The following PFAS variants were observed in gnomAD, a reference collection of about 807,000 sequenced individuals.
PFAS encodes phosphoribosylformylglycinamidine synthase.
A neutral mutation model predicts 140.6 loss-of-function variants in PFAS; 97 were observed. The ratio of observed to expected loss-of-function variants is 0.69; its 90% confidence interval spans 0.59 to 0.82. The LOEUF is 0.82. Among genes scored for constraint, PFAS ranks in the 40% least tolerant of loss-of-function variants. The pLI, the probability that PFAS is intolerant of heterozygous loss-of-function variation, is 0.00. For synonymous variants in PFAS, 679 were observed against 718.8 expected, an observed-to-expected ratio of 0.94 and a Z score of 0.88; for missense variants, 1,656 against 1,780.2, an observed-to-expected ratio of 0.93 and a Z score of 1.26.
At position 8,265,371 on chromosome 17, in the gene PFAS, G is replaced by A. The variant is rs746670349; in HGVS notation, c.2364G>A (p.Met788Ile). The stretch of plus-strand genomic sequence containing the variant: ...CTTTGGCGGATGCCTGTGAGGCTAT[G>A]GTGGCAGTGATGGCAGCCCTGGGTG... ...GAALADACEA[M>I]VAVMAALGVA... Residue 788 changes from methionine (M) to isoleucine (I), a missense_variant, in exon 19 of 28, where the codon ATG becomes ATA. Physicochemically the swap from Met to Ile is conservative, Grantham distance 10. This residue lies in a region of PFAS where 883 missense variants were observed against 1,023.0 expected (regional missense o/e 0.86). Transcript: ENST00000314666. 1 of 1,614,204 alleles carries A rather than the reference G, an allele frequency of 6.2e-7. No homozygotes were observed. Among genetic ancestry groups the A allele is most frequent in the Admixed American group, 1.7e-5 (1 of 60,024 alleles).
At chr17:8,251,412 G>C (rs949708687) in intron 1 of PFAS, among the ~76,000 whole-genome samples, 7 of 152,020 alleles carry the variant, frequency 4.6e-5, no homozygotes, top group Non-Finnish European at 1.0e-4. Flanking sequence ...CTCTTGAGTA[G>C]CTGGGACCAC....
intron 11 of PFAS, among the ~76,000 whole-genome samples, chr17:8,260,895 A>T (rs1404251487): frequency 6.6e-6 from 1 of 152,198 alleles, no homozygotes; most frequent in African/African-American, 2.4e-5. Flanking sequence ...AAGTGCTGGG[A>T]TTACAGGCGT....
At chr17:8,263,711 C>G (rs1989688386) in intron 14 of PFAS, 64 bp from the exon 15 acceptor site, 1 of 1,602,852 alleles carries the variant, frequency 6.2e-7, no homozygotes, top group Non-Finnish European at 8.5e-7. Context: ...ATCTCTCTTG[C>G]AACAACATGA....
chr17:8,247,926 G>C, upstream of PFAS: 1 of 1,479,368 alleles, frequency 6.8e-7, no homozygotes, highest in East Asian at 2.4e-5. Context: ...AGAGAGACAA[G>C]GCAGAGGAAA....
intron 3 of PFAS, among the ~76,000 whole-genome samples, chr17:8,254,818 A>T (rs1989295103): frequency 6.6e-6 from 1 of 152,244 alleles, no homozygotes; most frequent in African/African-American, 2.4e-5. Context: ...AAAGAAAAAA[A>T]AATCAAATAG....
At chr17:8,251,164 T>G (rs922004018) in intron 1 of PFAS, among the ~76,000 whole-genome samples, 2 of 152,114 alleles carry the variant, frequency 1.3e-5, no homozygotes, top group African/African-American at 4.8e-5. Context: ...TGTGCACCTG[T>G]AGTCTCAGCT....
intron 18 of PFAS, 67 bp from the exon 19 acceptor site, chr17:8,265,221 T>A (rs1989762874): frequency 1.9e-6 from 3 of 1,575,896 alleles, no homozygotes; most frequent in East Asian, 4.5e-5. Context: ...AACCTCCCAG[T>A]CCGCCTGCAC....
rs867656861 is a variant in PFAS, at chr17:8,269,523, G to A, written c.*259G>A. On this transcript the variant is annotated 3_prime_UTR_variant, in exon 28 of 28. Coordinates refer to ENST00000314666, the MANE Select transcript of PFAS (RefSeq NM_012393.3). ...CAGCATGTGGTTCAGAGAAAAGAGC[G>A]ACAAGGAAAAGTTAGGACTCCTGAG... The A allele has an allele frequency of 4.2e-5, 19 of 448,044 alleles. No individual in the cohort carries two copies. The highest frequency in any genetic ancestry group is 1.5e-4 in the Admixed American group (4 of 26,410). The allele number at this position is 448,044 out of a possible 1,614,324, so 27.8% of individuals were successfully genotyped here.
At chr17:8,259,032 T>G (rs534151694) in intron 11 of PFAS, among the ~76,000 whole-genome samples, 5 of 147,544 alleles carry the variant, frequency 3.4e-5, no homozygotes, top group Non-Finnish European at 7.4e-5. Context: ...TGCATGCCTA[T>G]AGTCCCAGCC....
At chr17:8,264,064 G>A (rs1368604561) in intron 15 of PFAS, 128 bp downstream of exon 15, 1 of 1,448,958 alleles carries the variant, frequency 6.9e-7, no homozygotes, top group South Asian at 1.1e-5. Context: ...AACAAGCTGT[G>A]GGGAATGTTG....
chr17:8,260,048 C>G (rs1989528056), intron 11 of PFAS, among the ~76,000 whole-genome samples: 1 of 151,866 alleles, frequency 6.6e-6, no homozygotes, highest in Non-Finnish European at 1.5e-5. Context: ...TTGCAGTGAG[C>G]CAAGTTTACG....
At position 8,266,494 on chromosome 17, in the gene PFAS, C is replaced by A; in HGVS notation, c.2821+141C>A. On this transcript the variant is annotated intron_variant, in intron 22 of 27. Coordinates refer to ENST00000314666, the MANE Select transcript of PFAS (RefSeq NM_012393.3). The surrounding 1 kb of genome is among the most constrained non-coding windows in gnomAD (Gnocchi z 5.0). ...TGACTAGCTTTTCTGTGCTGTCTCT[C>A]TGACAGCTGAACTGGATGGAACTGG... The A allele has an allele frequency of 6.7e-7, 1 of 1,485,148 alleles. No homozygotes were observed. The highest frequency in any genetic ancestry group is 2.4e-5 in the East Asian group (1 of 42,008). The allele number at this position is 1,485,148 out of a possible 1,614,324, so 92.0% of individuals were successfully genotyped here. A position where few individuals can be genotyped will look rare whatever the true frequency, so the allele number is the denominator to read the frequency against.
Position 8,256,924 on chromosome 17 carries a change from G to T in PFAS, c.1036G>T (p.Gly346Cys), listed in dbSNP as rs375256699. ...AGGCCGCGGGGCCCACGTGGTGGCT[G>T]GCACTGCCGGCTATTGCTTTGGAAA... Reference protein sequence around the residue: ...CTGRGAHVVAGTAGYCFGNLH... With the variant: ...CTGRGAHVVACTAGYCFGNLH... Residue 346 changes from glycine (G) to cysteine (C), a missense_variant, in exon 9 of 28, where the codon GGC (glycine) becomes TGC (cysteine). Around this residue, in one of 2 missense-constraint regions of PFAS, gnomAD observed 773 missense variants for 757.3 expected, o/e 1.02. Coordinates refer to ENST00000314666, the MANE Select transcript of PFAS (RefSeq NM_012393.3). 6.2e-7 allele frequency: 1 copy of T among 1,614,086 alleles called. No homozygotes were observed. The highest frequency in any genetic ancestry group is 8.5e-7 in the Non-Finnish European group (1 of 1,180,036).
chr17:8,255,262 C>T, intron 4 of PFAS, 130 bp downstream of exon 4: 1 of 718,926 alleles, frequency 1.4e-6, no homozygotes, highest in Admixed American at 2.7e-5. Flanking sequence ...AAGTTGTTCA[C>T]TGCCTGAAAG....
rs1326233174 is a variant in PFAS, at chr17:8,267,586, G to T, written c.3303G>T (p.Gly1101=). The T allele has an allele frequency of 1.2e-6, 2 of 1,613,538 alleles. No homozygotes were observed. Among genetic ancestry groups the T allele is most frequent in the East Asian group, 2.2e-5 (1 of 44,870 alleles). Reference sequence around the variant, plus strand: ...TGACCATGCAGGACCTCTGCTCTGGGGCAATTGGGCTGGACACTTTCCGTG... The same window carrying T: ...TGACCATGCAGGACCTCTGCTCTGGTGCAATTGGGCTGGACACTTTCCGTG... The part of the protein sequence containing the change: ...WDVTMQDLCS[G]AIGLDTFRGV... The change falls in exon 26 of 28, where the codon GGG becomes GGT. Residue 1101 remains glycine (G), a synonymous_variant. Coordinates refer to ENST00000314666, the MANE Select transcript of PFAS (RefSeq NM_012393.3). This position sits in a 1 kb window ranked among gnomAD's most constrained non-coding sequence, Gnocchi z 4.9.
At chr17:8,261,485 C>T (rs184992422) in intron 11 of PFAS, among the ~76,000 whole-genome samples, 2 of 151,454 alleles carry the variant, frequency 1.3e-5, no homozygotes, top group African/African-American at 2.4e-5. Flanking sequence ...GTAATCCACC[C>T]GCCTCAGCCT....
intron 1 of PFAS, among the ~76,000 whole-genome samples, chr17:8,251,504 C>T (rs1189666622): frequency 6.6e-6 from 1 of 151,370 alleles, no homozygotes; most frequent in Non-Finnish European, 1.5e-5. Context: ...CAGGGCTGGT[C>T]TCAAACTCCT....
Position 8,263,881 on chromosome 17 carries a change from G to A in PFAS, c.1736G>A (p.Ser579Asn), listed in dbSNP as rs1989697985. ...AACCGGGACTTCCTGACTCATGTCA[G>A]TGCCCGTGAACGTTGCCCGGCTTGC... Reference protein sequence around the residue: ...SPNRDFLTHVSARERCPACFV... With the variant: ...SPNRDFLTHVNARERCPACFV... Residue 579 changes from serine (S) to asparagine (N), a missense_variant, in exon 15 of 28, where the codon AGT (serine) becomes AAT (asparagine). Ser to Asn is a conservative substitution (Grantham distance 46). Transcript: ENST00000314666. 1 of 1,614,136 alleles carries A rather than the reference G, an allele frequency of 6.2e-7. No homozygotes were observed. The highest frequency in any genetic ancestry group is 8.5e-7 in the Non-Finnish European group (1 of 1,180,020).
rs1376878072 is a variant in PFAS, at chr17:8,253,869, C to T, written c.-69C>T. The T allele has an allele frequency of 1.3e-6, 2 of 1,531,240 alleles. No individual in the cohort carries two copies. The highest frequency in any genetic ancestry group is 1.8e-6 in the Non-Finnish European group (2 of 1,137,066). 94.9% of individuals were successfully genotyped at this position (1,531,240 alleles called of 1,614,324 possible). ...AATGTTATTTTTTAGGAACCTAATTCATCTCTCCAGCAAAGGACACATCTC... is the reference window on the plus strand; with the variant it reads ...AATGTTATTTTTTAGGAACCTAATTTATCTCTCCAGCAAAGGACACATCTC... On this transcript the variant is annotated 5_prime_UTR_variant, in exon 2 of 28. Coordinates refer to ENST00000314666, the MANE Select transcript of PFAS (RefSeq NM_012393.3).
Sources: allele counts gnomAD v4.1 joint callset (sites outside exome capture counted in the v4.1 genomes callset), GRCh38; gene constraint gnomAD v4.1.1; regional missense constraint gnomAD v4.1.1; non-coding constraint Gnocchi (gnomAD v3.1); transcripts MANE v1.5; gene names NCBI Gene and HGNC (gene_info 2026-07-23, HGNC 2026-07-21).